Variants in TACC2 observed in about 807,000 individuals in gnomAD.
TACC2 encodes transforming acidic coiled-coil containing protein 2.
TACC2 carries 137 observed loss-of-function variants against 227.3 expected under a neutral mutation model. The observed-to-expected ratio is 0.60, with a 90% CI of 0.52 to 0.69. TACC2 has a LOEUF of 0.69. Ranked by LOEUF, TACC2 falls within the 30% of genes least tolerant of loss-of-function variation. The pLI is 0.00. For missense variants in TACC2, 3,470 were observed against 3,694.4 expected, an observed-to-expected ratio of 0.94 and a Z score of 1.57; for synonymous variants, 1,523 against 1,487.5, an observed-to-expected ratio of 1.02 and a Z score of -0.55.
At chr10:122,186,744 C>T (rs1267531932) in intron 7 of TACC2, among the ~76,000 whole-genome samples, 1 of 152,082 alleles carries the variant, frequency 6.6e-6, no homozygotes, top group Non-Finnish European at 1.5e-5. Flanking sequence ...AACTCCTGGC[C>T]TCAAGTGATC....
intron 3 of TACC2, among the ~76,000 whole-genome samples, chr10:122,069,402 C>T (rs964932332): frequency 1.3e-4 from 20 of 152,048 alleles, no homozygotes; most frequent in Admixed American, 1.2e-3. Flanking sequence ...CCACTACGCC[C>T]GGCTAATTTT....
chr10:122,032,996 C>CAAA (rs1354405407), intron 2 of TACC2: 3 of 712,448 alleles, frequency 4.2e-6, no homozygotes, highest in Admixed American at 2.8e-5. Flanking sequence ...ACAACAACAA[C>CAAA]AACAAAAACA....
At position 122,210,427 on chromosome 10, in the gene TACC2, A is replaced by G. The variant is rs762460420; in HGVS notation, c.6002A>G (p.Asp2001Gly). 1.2e-6 allele frequency: 2 copies of G among 1,613,880 alleles called. No homozygotes were observed. The highest frequency in any genetic ancestry group is 1.1e-5 in the South Asian group (1 of 91,038). Residue 2001 changes from aspartate (D) to glycine (G), a missense_variant, in exon 9 of 23, where the codon GAT becomes GGT. Coordinates refer to ENST00000369005, the MANE Select transcript of TACC2 (RefSeq NM_206862.4). This position sits in a 1 kb window ranked among gnomAD's most constrained non-coding sequence, Gnocchi z 4.6. ...GCGSETVPVP[D>G]GPRSDSVEGS... ...GGTTCTGAGACAGTCCCTGTCCCTGATGGCCCACGGAGCGACTCGGTGGAA... is the reference window on the plus strand; with the variant it reads ...GGTTCTGAGACAGTCCCTGTCCCTGGTGGCCCACGGAGCGACTCGGTGGAA...
chr10:122,187,590 A>T (rs1408920561), intron 7 of TACC2, among the ~76,000 whole-genome samples: 1 of 151,822 alleles, frequency 6.6e-6, no homozygotes, highest in Non-Finnish European at 1.5e-5. Flanking sequence ...TCCCAGGTTC[A>T]AGTGATTCTC....
chr10:122,192,332 C>T (rs1240958223), intron 7 of TACC2: 3 of 244,982 alleles, frequency 1.2e-5, no homozygotes, highest in East Asian at 9.4e-5. Flanking sequence ...GTTGCTGCAG[C>T]GGAGAACTCA....
At chr10:122,244,565 C>T (rs1301973016) in intron 19 of TACC2, among the ~76,000 whole-genome samples, 1 of 152,176 alleles carries the variant, frequency 6.6e-6, no homozygotes, top group Non-Finnish European at 1.5e-5. Flanking sequence ...CTTGGCAGGA[C>T]GTGCCTTCTT....
At chr10:122,104,093 C>T (rs967968334) in intron 5 of TACC2, among the ~76,000 whole-genome samples, 2 of 152,130 alleles carry the variant, frequency 1.3e-5, no homozygotes, top group African/African-American at 4.8e-5. Flanking sequence ...CCTAGAAGTA[C>T]CTAACAAAAT....
chr10:122,026,313 C>CAAAAAA lies in TACC2; in HGVS notation c.33+4317_33+4322dup, dbSNP rs71022883. 8.8e-4 allele frequency among the ~76,000 whole-genome samples: 63 copies of CAAAAAA among 71,192 alleles called. 1 individual carries two copies. Among genetic ancestry groups the CAAAAAA allele is most frequent in the South Asian group, 3.5e-3 (5 of 1,436 alleles). 46.7% of individuals were successfully genotyped at this position (71,192 alleles called of 152,430 possible). ...TGGGCTACAGAGTGAGACTCTGTCT[C>CAAAAAA]AAAAAAAAAAAAAAAAAAAAAAAGT... On this transcript the variant is annotated intron_variant, in intron 2 of 22. Coordinates refer to ENST00000369005, the MANE Select transcript of TACC2 (RefSeq NM_206862.4).
chr10:122,173,720 G>A (rs917630357), intron 7 of TACC2, among the ~76,000 whole-genome samples: 5 of 152,224 alleles, frequency 3.3e-5, no homozygotes, highest in Non-Finnish European at 7.3e-5. Flanking sequence ...CCTGCCCTGC[G>A]AGATGAGGGG....
intron 3 of TACC2, among the ~76,000 whole-genome samples, chr10:122,055,628 T>C (rs2136289775): frequency 6.6e-6 from 1 of 152,234 alleles, no homozygotes; most frequent in Middle Eastern, 3.4e-3. Context: ...AATACCTGGG[T>C]GATGAAATAA....
Position 122,210,196 on chromosome 10 carries a change from T to G in TACC2, c.5972-201T>G. On this transcript the variant is annotated intron_variant, in intron 8 of 22. Coordinates refer to ENST00000369005, the MANE Select transcript of TACC2 (RefSeq NM_206862.4). This position sits in a 1 kb window ranked among gnomAD's most constrained non-coding sequence, Gnocchi z 4.6. ...CCTCATTGTACAGATGAGGGAACTC[T>G]GGGCGAACCTGGCCTGGGTCTTGAG... The G allele has an allele frequency of 1.6e-6, 1 of 613,268 alleles. No homozygotes were observed. The highest frequency in any genetic ancestry group is 3.0e-6 in the Non-Finnish European group (1 of 335,346). The allele number at this position is 613,268 out of a possible 1,614,324, so 38.0% of individuals were successfully genotyped here.
chr10:122,000,057 C>T (rs1024281166), intron 1 of TACC2, among the ~76,000 whole-genome samples: 5 of 152,116 alleles, frequency 3.3e-5, no homozygotes, highest in African/African-American at 1.2e-4. Flanking sequence ...TTGGAGACAC[C>T]AGGTCTCATG....
In TACC2 at chr10:122,101,670, C is replaced by T. The variant is rs189213093; in HGVS notation, c.5573+13079C>T. On this transcript the variant is annotated intron_variant, in intron 5 of 22. Coordinates refer to ENST00000369005, the MANE Select transcript of TACC2 (RefSeq NM_206862.4). ...CGCCTCCTGGGTTCATGCCATTCTC[C>T]TGCCTCAGGCTCCCAAGTAGCTGGG... is the stretch of plus-strand genomic sequence containing the variant. Among the ~76,000 whole-genome samples, 1,147 of 143,090 alleles carry T rather than the reference C, an allele frequency of 8.0e-3. 17 individuals carry two copies. Among genetic ancestry groups the T allele is most frequent in the African/African-American group, 0.028 (1,089 of 38,680 alleles). 93.9% of individuals were successfully genotyped at this position (143,090 alleles called of 152,430 possible).
rs554340860 is a variant in TACC2, at chr10:122,189,394, G to A, written c.5835-5646G>A. On this transcript the variant is annotated intron_variant, in intron 7 of 22. Transcript: ENST00000369005. ...TGGAAGGTCTCCCTCTCTCTTCAGG[G>A]ATGGCAGCTGCTCTTTCAGCCTGGA... Among the ~76,000 whole-genome samples, 9 of 152,302 alleles carry A rather than the reference G, an allele frequency of 5.9e-5. No homozygotes were observed. The South Asian group carries it at 1.9e-3, about 32-fold the overall frequency.
chr10:122,166,718 G>C (rs2093184910), intron 7 of TACC2, among the ~76,000 whole-genome samples: 1 of 152,180 alleles, frequency 6.6e-6, no homozygotes, highest in African/African-American at 2.4e-5. Flanking sequence ...CCATGAGCTG[G>C]TTCAGTCTTC....
At chr10:122,245,979 G>A (rs1228933178) in intron 19 of TACC2, among the ~76,000 whole-genome samples, 1 of 152,144 alleles carries the variant, frequency 6.6e-6, no homozygotes, top group African/African-American at 2.4e-5. Flanking sequence ...CTGGGCTCCA[G>A]AGGCTCCTAG....
At chr10:122,051,315 G>A (rs1565163418) in intron 3 of TACC2, 1 of 152,348 alleles carries the variant, frequency 6.6e-6, no homozygotes, top group Non-Finnish European at 1.5e-5. Flanking sequence ...GCTTCCCAAA[G>A]TGCTGGATTA....
rs1172937663 is a variant in TACC2 at position 122,180,328 on chromosome 10, TCCC to T, written c.5835-14708_5835-14706del. On this transcript the variant is annotated intron_variant, in intron 7 of 22. Transcript: ENST00000369005. This position sits in a 1 kb window ranked among gnomAD's most constrained non-coding sequence, Gnocchi z 4.5. Reference sequence around the variant, plus strand: ...TTGTTCTCCCTGCCTGAAACTTTCTTCCCCCCAGTTCTTTTTTTTTTTTTTTGG... The same window carrying T: ...TTGTTCTCCCTGCCTGAAACTTTCTTCCCAGTTCTTTTTTTTTTTTTTTGG... Among the ~76,000 whole-genome samples the T allele has an allele frequency of 6.7e-6, 1 of 148,572 alleles. No individual in the cohort carries two copies. Among genetic ancestry groups the T allele is most frequent in the Non-Finnish European group, 1.5e-5 (1 of 67,444 alleles).
intron 2 of TACC2, among the ~76,000 whole-genome samples, chr10:122,038,589 C>T (rs1033331115): frequency 2.0e-5 from 3 of 152,110 alleles, no homozygotes; most frequent in Admixed American, 1.3e-4. Flanking sequence ...AGACTTCCGT[C>T]GTGGGCGTAC....
Sources: allele counts gnomAD v4.1 joint callset (sites outside exome capture counted in the v4.1 genomes callset), GRCh38; gene constraint gnomAD v4.1.1; non-coding constraint Gnocchi (gnomAD v3.1); transcripts MANE v1.5; gene names NCBI Gene and HGNC (gene_info 2026-07-23, HGNC 2026-07-21).